Variants in ERBB2 observed in about 807,000 individuals in gnomAD.
ERBB2 encodes receptor tyrosine-protein kinase erbB-2.
A neutral mutation model predicts 149.0 loss-of-function variants in ERBB2; 61 were observed. The ratio of observed to expected loss-of-function variants is 0.41; its 90% CI spans 0.33 to 0.51. The LOEUF is 0.51. ERBB2 is among the 20% of genes least tolerant of loss of function. ERBB2 has a pLI of 0.25. For missense variants in ERBB2, 1,205 were observed against 1,655.1 expected (o/e 0.73, Z 4.72); for synonymous variants, 633 against 678.8 (o/e 0.93, Z 1.05).
upstream of ERBB2, among the ~76,000 whole-genome samples, chr17:39,697,191 G>A (rs2057882346): frequency 6.6e-6 from 1 of 152,056 alleles, no homozygotes; most frequent in African/African-American, 2.4e-5. Context: ...GATATTGATG[G>A]CCATCCAGAA....
intron 11 of ERBB2, 30 bp from the exon 12 acceptor site, chr17:39,715,710 C>T (rs776417415): frequency 3.7e-5 from 60 of 1,602,806 alleles, no homozygotes; most frequent in Non-Finnish European, 4.3e-5. Flanking sequence ...GGAAGGGGTC[C>T]GTGGTAAGGT....
At position 39,726,188 on chromosome 17, in the gene ERBB2, T is replaced by C. The variant is rs1414042010; in HGVS notation, c.2872+335T>C. ...ATCTCTACAAAAAATAAAAAAATTA[T>C]CTGGGTGTGGTGGTGTGTGCCAGTA... On this transcript the variant is annotated intron_variant, in intron 23 of 26. Transcript: ENST00000269571. The surrounding 1 kb of genome is among the most constrained non-coding windows in gnomAD (Gnocchi z 5.1). 1 of 391,068 alleles carries C rather than the reference T, an allele frequency of 2.6e-6. No individual in the cohort carries two copies. The highest frequency in any genetic ancestry group is 4.6e-6 in the Non-Finnish European group (1 of 215,614). The allele number at this position is 391,068 out of a possible 1,614,324, so 24.2% of individuals were successfully genotyped here.
intron 16 of ERBB2, among the ~76,000 whole-genome samples, chr17:39,721,259 GTCTT>G (rs1237756328): frequency 7.6e-6 from 1 of 131,896 alleles, no homozygotes; most frequent in East Asian, 2.3e-4. Flanking sequence ...GATGAGCCAA[GTCTT>G]TTTTTTTTTT....
chr17:39,714,057 CAAAAA>C (rs34185413), intron 9 of ERBB2, among the ~76,000 whole-genome samples: 4 of 94,772 alleles, frequency 4.2e-5, no homozygotes, highest in Non-Finnish European at 2.0e-5. Flanking sequence ...GACCCTGTCT[CAAAAA>C]AAAAAAAAAA....
rs971655376 is a variant in ERBB2 at position 39,709,845 on chromosome 17, C to G, written c.607C>G (p.Arg203Gly). ...CTGTTCTCCGATGTGTAAGGGCTCC[C>G]GCTGCTGGGGAGAGAGTTCTGAGGA... ...HPCSPMCKGS[R>G]CWGESSEDCQ... is the part of the protein sequence containing the mutation. Residue 203 changes from arginine (R) to glycine (G), a missense_variant, in exon 5 of 27, where the codon CGC (arginine) becomes GGC (glycine). By Grantham distance (125) the Arg-to-Gly change is moderately radical. Around this residue, in one of 6 missense-constraint regions of ERBB2, gnomAD observed 569 missense variants for 803.5 expected, o/e 0.71. Transcript: ENST00000269571. The G allele has an allele frequency of 6.2e-7, 1 of 1,613,490 alleles. No individual in the cohort carries two copies. Among genetic ancestry groups the G allele is most frequent in the South Asian group, 1.1e-5 (1 of 91,076 alleles).
upstream of ERBB2, among the ~76,000 whole-genome samples, chr17:39,690,425 C>T (rs890867899): frequency 6.6e-6 from 1 of 152,188 alleles, no homozygotes; most frequent in Non-Finnish European, 1.5e-5. Context: ...TATTTTAGAA[C>T]TAACAATGGA....
At chr17:39,706,331 G>T (rs1327091563) in intron 1 of ERBB2, among the ~76,000 whole-genome samples, 1 of 152,196 alleles carries the variant, frequency 6.6e-6, no homozygotes, top group East Asian at 1.9e-4. Context: ...CCTGGCCTGG[G>T]ATCTGCAGCC....
rs2145638210 is a variant in ERBB2 at position 39,715,455 on chromosome 17, A to G, written c.1232A>G (p.Tyr411Cys). The change falls in exon 11 of 27, where the codon TAC (tyrosine) becomes TGC (cysteine). Residue 411 changes from tyrosine (Y) to cysteine (C), a missense_variant. Tyr to Cys is a radical substitution (Grantham distance 194, BLOSUM62 -2). Transcript: ENST00000269571. Reference sequence around the variant, plus strand: ...CACCCTCTGCCTGCAGGTTACCTATACATCTCAGCATGGCCGGACAGCCTG... The same window carrying G: ...CACCCTCTGCCTGCAGGTTACCTATGCATCTCAGCATGGCCGGACAGCCTG... ...ETLEEITGYL[Y>C]ISAWPDSLPD... The G allele has an allele frequency of 6.2e-7, 1 of 1,614,058 alleles. No homozygotes were observed. The highest frequency in any genetic ancestry group is 8.5e-7 in the Non-Finnish European group (1 of 1,179,994).
chr17:39,708,169 TTATCTC>T (rs1485994230), intron 2 of ERBB2, 146 bp from the exon 3 acceptor site: 2 of 593,000 alleles, frequency 3.4e-6, no homozygotes, highest in Non-Finnish European at 3.0e-6. Context: ...GGCGTGATCT[TTATCTC>T]TATTTTATCG....
At chr17:39,716,916 C>G in intron 14 of ERBB2, 2 of 478,218 alleles carry the variant, frequency 4.2e-6, no homozygotes, top group Non-Finnish European at 7.6e-6. Flanking sequence ...CTGCTTCCAA[C>G]CTTGGTTTTT....
chr17:39,710,057 C>T (rs751504665), intron 5 of ERBB2, 29 bp from the exon 6 acceptor site: 3 of 1,579,114 alleles, frequency 1.9e-6, no homozygotes, highest in East Asian at 4.5e-5. Flanking sequence ...GGGCGCCACT[C>T]AGCCCTCATC....
upstream of ERBB2, among the ~76,000 whole-genome samples, chr17:39,690,835 A>G (rs1376730931): frequency 1.3e-5 from 2 of 152,176 alleles, no homozygotes; most frequent in African/African-American, 4.8e-5. Flanking sequence ...CATGGGGGAA[A>G]AAAAAGACAA....
At chr17:39,710,535 T>C (rs2058735824) in intron 7 of ERBB2, 54 bp downstream of exon 7, 1 of 1,601,648 alleles carries the variant, frequency 6.2e-7, no homozygotes. Context: ...GGTTTGTTTC[T>C]GTAAATGGGA....
upstream of ERBB2, among the ~76,000 whole-genome samples, chr17:39,695,374 G>A (rs968409432): frequency 7.9e-5 from 12 of 152,074 alleles, no homozygotes; most frequent in African/African-American, 2.9e-4. Context: ...TCAGGGAGTG[G>A]CCTCCCCATG....
intron 2 of ERBB2, chr17:39,707,999 C>CAA: frequency 2.9e-4 from 63 of 216,734 alleles, no homozygotes; most frequent in South Asian, 6.9e-4. Flanking sequence ...AACTCCGTCT[C>CAA]AAAAAAAAAA....
chr17:39,709,770 G>A (rs1428041137), intron 4 of ERBB2, 43 bp from the exon 5 acceptor site: 1 of 1,567,364 alleles, frequency 6.4e-7, no homozygotes, highest in Non-Finnish European at 8.8e-7. Flanking sequence ...TCCTCTCGCT[G>A]TTAGACATCT....
chr17:39,720,613 T>C (rs187107438), intron 16 of ERBB2, among the ~76,000 whole-genome samples: 1 of 152,112 alleles, frequency 6.6e-6, no homozygotes, highest in African/African-American at 2.4e-5. Flanking sequence ...GAATATTGGA[T>C]CAACACCCGG....
At chr17:39,701,195 T>G (rs1169798721) in intron 1 of ERBB2, among the ~76,000 whole-genome samples, 3 of 152,084 alleles carry the variant, frequency 2.0e-5, no homozygotes, top group African/African-American at 7.2e-5. Context: ...TCCACCTGTG[T>G]GCATTAATCA....
At chr17:39,699,593 C>A (rs2057968786), upstream of ERBB2, 2 of 1,438,960 alleles carry the variant, frequency 1.4e-6, no homozygotes, top group East Asian at 2.5e-5. Context: ...ACAAGGTAAA[C>A]ACAACACATC....
Sources: allele counts gnomAD v4.1 joint callset (sites outside exome capture counted in the v4.1 genomes callset), GRCh38; gene constraint gnomAD v4.1.1; regional missense constraint gnomAD v4.1.1; non-coding constraint Gnocchi (gnomAD v3.1); transcripts MANE v1.5; gene names NCBI Gene and HGNC (gene_info 2026-07-23, HGNC 2026-07-21).